ZNF578: variants seen among roughly 807,000 people sequenced by gnomAD.
The protein encoded by ZNF578 is Putative chemokine-related protein B42.
Under a neutral mutation model 8.3 loss-of-function variants are expected in ZNF578, and 8 were observed. The ratio of observed to expected loss-of-function variants is 0.96; its 90% CI spans 0.56 to 1.74. The LOEUF is 1.74. ZNF578 is among the 40% of genes most tolerant of loss of function. The probability of loss-of-function intolerance (pLI) is 0.00; values close to 1 mark genes in which losing one functional copy is unlikely to be tolerated. For synonymous variants in ZNF578, 206 were observed against 232.2 expected (o/e 0.89, Z 1.03); for missense variants, 726 against 707.5 (o/e 1.03, Z -0.30).
chr19:52,488,866 C>G (rs1314294166), intron 2 of ZNF578, among the ~76,000 whole-genome samples: 6 of 151,644 alleles, frequency 4.0e-5, no homozygotes, highest in African/African-American at 1.5e-4. Flanking sequence ...ACTTTGGGAG[C>G]AAATCACTGA....
rs759334769 is a variant in ZNF578, at chr19:52,511,967, A to T, written c.1586A>T (p.His529Leu). ...TFNVQSHLSR[H>L]HRLHTGEKPY... is the part of the protein sequence containing the mutation. ...AATGTACAGTCACACCTTTCACGTC[A>T]TCATAGACTTCATACTGGAGAGAAA... Residue 529 changes from histidine (H) to leucine (L), a missense_variant, in exon 6 of 6, where the codon CAT (histidine) becomes CTT (leucine). Coordinates refer to ENST00000421239, the MANE Select transcript of ZNF578 (RefSeq NM_001099694.2). The T allele has an allele frequency of 1.9e-6, 3 of 1,614,134 alleles. No homozygotes were observed. In the Admixed American group the frequency reaches 5.0e-5, roughly 27 times the overall value.
intron 2 of ZNF578, among the ~76,000 whole-genome samples, chr19:52,489,106 T>C (rs2059356124): frequency 6.6e-6 from 1 of 150,738 alleles, no homozygotes; most frequent in Non-Finnish European, 1.5e-5. Context: ...CTGCCCCCCC[T>C]AAAAAAAGAA....
At chr19:52,489,099 C>T (rs2059356030) in intron 2 of ZNF578, among the ~76,000 whole-genome samples, 1 of 151,610 alleles carries the variant, frequency 6.6e-6, no homozygotes, top group African/African-American at 2.4e-5. Flanking sequence ...ACTCCGTCTG[C>T]CCCCCCTAAA....
chr19:52,498,070 GAT>G (rs1392380256), intron 3 of ZNF578, among the ~76,000 whole-genome samples: 1 of 152,196 alleles, frequency 6.6e-6, no homozygotes, highest in African/African-American at 2.4e-5. Flanking sequence ...AGTGAGTAAT[GAT>G]ATGTTTGGGA....
intron 5 of ZNF578, among the ~76,000 whole-genome samples, chr19:52,507,353 A>C (rs10421635): frequency 0.018 from 2,766 of 152,200 alleles, 78 homozygotes; most frequent in African/African-American, 0.062. Context: ...ACGCCACTGC[A>C]CTCCAGCCTG....
chr19:52,477,313 C>T (rs942199176), intron 2 of ZNF578, among the ~76,000 whole-genome samples: 1 of 152,122 alleles, frequency 6.6e-6, no homozygotes, highest in South Asian at 2.1e-4. Flanking sequence ...GGACCCACCC[C>T]TGAAGTGTGG....
At chr19:52,498,157 G>C (rs1353764894) in intron 3 of ZNF578, among the ~76,000 whole-genome samples, 1 of 151,992 alleles carries the variant, frequency 6.6e-6, no homozygotes, top group African/African-American at 2.4e-5. Context: ...TGGAATTTTT[G>C]TTTGTTTGTT....
chr19:52,478,618 G>A (rs2122830692), intron 2 of ZNF578, among the ~76,000 whole-genome samples: 1 of 152,320 alleles, frequency 6.6e-6, no homozygotes, highest in Non-Finnish European at 1.5e-5. Flanking sequence ...ATAAGAAGGA[G>A]ATAATGGCAG....
intron 3 of ZNF578, chr19:52,492,890 G>C (rs2059371216): frequency 6.6e-6 from 1 of 152,334 alleles, no homozygotes. Flanking sequence ...GTTGTGTTAA[G>C]TCTGCGCTTC....
At chr19:52,493,331 C>T (rs909304603) in intron 3 of ZNF578, among the ~76,000 whole-genome samples, 1 of 152,146 alleles carries the variant, frequency 6.6e-6, no homozygotes, top group South Asian at 2.1e-4. Flanking sequence ...GTGCCGGGCC[C>T]TGCTGCTCCC....
intron 5 of ZNF578, 37 bp downstream of exon 5, chr19:52,504,818 T>C (rs1351012721): frequency 6.2e-7 from 1 of 1,611,776 alleles, no homozygotes; most frequent in Non-Finnish European, 8.5e-7. Flanking sequence ...AGGAGTCTGC[T>C]CTTGTCTGTC....
chr19:52,511,107 T>C lies in ZNF578; in HGVS notation c.726T>C (p.Cys242=), dbSNP rs200223519. ...QCNETGEAFN[C]SSFVRKHQII... ...ATGAGACTGGCGAAGCCTTTAATTGTAGCTCATTTGTAAGGAAACATCAGA... is the reference window on the plus strand; with the variant it reads ...ATGAGACTGGCGAAGCCTTTAATTGCAGCTCATTTGTAAGGAAACATCAGA... The change falls in exon 6 of 6, where the codon TGT becomes TGC. Residue 242 remains cysteine, a synonymous_variant. Transcript: ENST00000421239. 148 of 1,614,016 alleles carry C rather than the reference T, an allele frequency of 9.2e-5. No individual in the cohort carries two copies. Among genetic ancestry groups the C allele is most frequent in the Non-Finnish European group, 1.2e-4 (145 of 1,179,972 alleles).
At chr19:52,501,973 T>C in intron 4 of ZNF578, 65 bp downstream of exon 4, 1 of 1,585,576 alleles carries the variant, frequency 6.3e-7, no homozygotes, top group Non-Finnish European at 8.5e-7. Flanking sequence ...TAGTATTATA[T>C]TGTATTGTAG....
At chr19:52,464,582 G>A (rs1449389911) in intron 2 of ZNF578, among the ~76,000 whole-genome samples, 3 of 152,092 alleles carry the variant, frequency 2.0e-5, no homozygotes, top group African/African-American at 4.8e-5. Context: ...ATTTTGTCAG[G>A]TGCTATAAGC....
At chr19:52,465,131 G>T (rs324114) in intron 2 of ZNF578, among the ~76,000 whole-genome samples, 6 of 152,210 alleles carry the variant, frequency 3.9e-5, no homozygotes, top group Non-Finnish European at 8.8e-5. Flanking sequence ...TCCCCCAACT[G>T]TTCCTTGCAG....
At chr19:52,505,251 A>G (rs1383512135) in intron 5 of ZNF578, among the ~76,000 whole-genome samples, 1 of 152,022 alleles carries the variant, frequency 6.6e-6, no homozygotes, top group African/African-American at 2.4e-5. Flanking sequence ...TGTTCATCCC[A>G]TAAACTAATG....
chr19:52,457,136 CCTT>C (rs979769140), intron 2 of ZNF578, 178 bp downstream of exon 2: 3 of 152,608 alleles, frequency 2.0e-5, no homozygotes, highest in East Asian at 1.9e-4. Flanking sequence ...AGGCCTCTGA[CCTT>C]CTTTTGCCTT....
chr19:52,497,379 C>G (rs1264685244), intron 3 of ZNF578, among the ~76,000 whole-genome samples: 2 of 152,154 alleles, frequency 1.3e-5, no homozygotes, highest in African/African-American at 4.8e-5. Context: ...ACCACTATGC[C>G]CTGCTAATTT....
chr19:52,485,602 G>T (rs543184280), intron 2 of ZNF578, among the ~76,000 whole-genome samples: 326 of 152,284 alleles, frequency 2.1e-3, no homozygotes, highest in Non-Finnish European at 2.9e-3. Flanking sequence ...AGACATAAGA[G>T]ACTTCCTTTT....
Sources: gnomAD v4.1 joint callset for allele counts (sites outside exome capture counted in the v4.1 genomes callset) on GRCh38, gnomAD v4.1.1 for gene constraint, MANE v1.5 for transcripts, NCBI Gene and HGNC (gene_info 2026-07-23, HGNC 2026-07-21) for gene names.